Variants in ULK4 observed in about 807,000 individuals in gnomAD.
The protein encoded by ULK4 is inactive serine/threonine-protein kinase ULK4.
ULK4 carries 133 observed loss-of-function variants against 160.6 expected under a neutral mutation model. That is an observed-to-expected ratio of 0.83 (90% confidence interval 0.72 to 0.96). The LOEUF (loss-of-function observed/expected upper bound fraction) is 0.96, where lower values mean the gene tolerates loss of function less well. Among genes scored for constraint, ULK4 ranks in the 40% least tolerant of loss-of-function variants. ULK4 has a pLI of 0.00. For synonymous variants in ULK4, 534 were observed against 539.8 expected (o/e 0.99, Z 0.15); for missense variants, 1,580 against 1,499.5 (o/e 1.05, Z -0.89).
intron 34 of ULK4, among the ~76,000 whole-genome samples, chr3:41,448,353 T>C (rs1291218251): frequency 6.6e-6 from 1 of 151,700 alleles, no homozygotes; most frequent in Admixed American, 6.6e-5. Context: ...GTCAGCAAAA[T>C]GAAAGGAGAA....
At chr3:41,868,612 C>T (rs1687347017) in intron 17 of ULK4, among the ~76,000 whole-genome samples, 1 of 152,176 alleles carries the variant, frequency 6.6e-6, no homozygotes, top group Admixed American at 6.5e-5. Flanking sequence ...CTCAGCCTCC[C>T]AAATAGCTGC....
chr3:41,322,726 A>T (rs1320305174), intron 35 of ULK4, among the ~76,000 whole-genome samples: 1 of 152,240 alleles, frequency 6.6e-6, no homozygotes, highest in Admixed American at 6.5e-5. Context: ...TGGTTGCTAG[A>T]CTACATCTCA....
chr3:41,301,928 C>T (rs2079808940), intron 35 of ULK4, among the ~76,000 whole-genome samples: 1 of 152,114 alleles, frequency 6.6e-6, no homozygotes, highest in Non-Finnish European at 1.5e-5. Context: ...ATAAATTTAA[C>T]ATTTTCTACT....
At chr3:41,347,466 A>G (rs1245638126) in intron 35 of ULK4, among the ~76,000 whole-genome samples, 1 of 152,206 alleles carries the variant, frequency 6.6e-6, no homozygotes, top group African/African-American at 2.4e-5. Context: ...CTCCCAGATC[A>G]GGTTCAGATT....
rs553312375 is a variant in ULK4, at chr3:41,684,899, G to C, written c.2782-3095C>G. Among the ~76,000 whole-genome samples, 28 of 152,230 alleles carry C rather than the reference G, an allele frequency of 1.8e-4. No homozygotes were observed. In the South Asian group the frequency reaches 5.0e-3, roughly 27 times the overall value. On this transcript the variant is annotated intron_variant, in intron 27 of 36. Coordinates refer to ENST00000301831, the MANE Select transcript of ULK4 (RefSeq NM_017886.4). ...AAGAAGGATGCATAAGAATGTCGTG[G>C]CTAACCTTACAAATTATCTTGAGCA...
At chr3:41,806,356 C>CT (rs1394547930) in intron 19 of ULK4, among the ~76,000 whole-genome samples, 2 of 152,040 alleles carry the variant, frequency 1.3e-5, no homozygotes, top group Non-Finnish European at 2.9e-5. Flanking sequence ...TTTATTGAGT[C>CT]TATTTGATTC....
chr3:41,753,963 T>C (rs1208971815), intron 22 of ULK4, among the ~76,000 whole-genome samples: 1 of 152,160 alleles, frequency 6.6e-6, no homozygotes, highest in Non-Finnish European at 1.5e-5. Flanking sequence ...GCATGGGAAA[T>C]GCCAGACACT....
intron 17 of ULK4, among the ~76,000 whole-genome samples, chr3:41,852,382 G>A (rs969378336): frequency 3.9e-5 from 6 of 152,170 alleles, no homozygotes; most frequent in African/African-American, 1.4e-4. Context: ...ATTAGGTATC[G>A]AATTGCAATA....
intron 19 of ULK4, 85 bp from the exon 20 acceptor site, chr3:41,800,378 A>C: frequency 1.5e-6 from 2 of 1,367,784 alleles, no homozygotes; most frequent in South Asian, 1.3e-5. Context: ...TAATGTTATG[A>C]TACCAAGACA....
intron 2 of ULK4, among the ~76,000 whole-genome samples, chr3:41,940,302 G>A (rs1699910060): frequency 6.6e-6 from 1 of 152,050 alleles, no homozygotes; most frequent in South Asian, 2.1e-4. Context: ...GTCAGTCAGG[G>A]AGATTGGATT....
In ULK4 at chr3:41,468,729, G is replaced by A. The variant is rs75777792; in HGVS notation, c.3227-5476C>T. 2.5e-4 allele frequency among the ~76,000 whole-genome samples: 38 copies of A among 152,290 alleles called. No homozygotes were observed. In the East Asian group the frequency reaches 7.2e-3, roughly 29 times the overall value. On this transcript the variant is annotated intron_variant, in intron 32 of 36. Transcript: ENST00000301831. ...AGGTTAGCATAGTGCCACAAAGAGA[G>A]GATTCTCCAGGAACTGGGGTTTCTA...
At chr3:41,477,151 A>C (rs1230046903) in intron 32 of ULK4, among the ~76,000 whole-genome samples, 1 of 152,208 alleles carries the variant, frequency 6.6e-6, no homozygotes, top group African/African-American at 2.4e-5. Flanking sequence ...TTTTGCATTA[A>C]TTATAACCAA....
chr3:41,292,982 T>C (rs1476104703), intron 35 of ULK4, among the ~76,000 whole-genome samples: 1 of 151,686 alleles, frequency 6.6e-6, no homozygotes. Flanking sequence ...ATTAGTCAGG[T>C]GTGGTGGTGC....
At chr3:41,572,073 T>A (rs2087997255) in intron 31 of ULK4, among the ~76,000 whole-genome samples, 1 of 152,248 alleles carries the variant, frequency 6.6e-6, no homozygotes, top group Non-Finnish European at 1.5e-5. Context: ...TGGAAGGGGC[T>A]ATCATTCTAC....
At chr3:41,453,687 G>A (rs932576272) in intron 34 of ULK4, among the ~76,000 whole-genome samples, 16 of 152,088 alleles carry the variant, frequency 1.1e-4, no homozygotes, top group Non-Finnish European at 2.2e-4. Flanking sequence ...GAGCTAAATT[G>A]AGCCCATGCC....
At chr3:41,481,688 G>A (rs906348049) in intron 32 of ULK4, among the ~76,000 whole-genome samples, 4 of 150,388 alleles carry the variant, frequency 2.7e-5, no homozygotes, top group South Asian at 2.1e-4. Flanking sequence ...TTAGCCGGGC[G>A]TAGTGGCGGG....
chr3:41,919,664 T>TAA (rs1479571931), intron 6 of ULK4, 53 bp downstream of exon 6: 1 of 1,460,900 alleles, frequency 6.8e-7, no homozygotes, highest in African/African-American at 1.4e-5. Flanking sequence ...AGTACAGACT[T>TAA]AACCTGGTTT....
rs893227743 is a variant in ULK4 at position 41,247,018 on chromosome 3, A to G, written c.3765-26T>C. ...CTGTAAGAAAAACCAAAGTAGGTAC[A>G]CTTAATAGGCATCTCTAAGGTAAAG... On this transcript the variant is annotated intron_variant, in intron 36 of 36. Coordinates refer to ENST00000301831, the MANE Select transcript of ULK4 (RefSeq NM_017886.4). The G allele has an allele frequency of 2.5e-6, 4 of 1,610,148 alleles. No individual in the cohort carries two copies. The African/African-American group carries it at 5.3e-5, about 22-fold the overall frequency.
chr3:41,942,556 G>A (rs756722128), intron 2 of ULK4, among the ~76,000 whole-genome samples: 3 of 151,384 alleles, frequency 2.0e-5, no homozygotes, highest in South Asian at 2.1e-4. Context: ...GGTGGCTCAC[G>A]CCTGTAATGC....
Sources: allele counts gnomAD v4.1 joint callset (sites outside exome capture counted in the v4.1 genomes callset), GRCh38; gene constraint gnomAD v4.1.1; transcripts MANE v1.5; gene names NCBI Gene and HGNC (gene_info 2026-07-23, HGNC 2026-07-21).